CLIC5: variants seen among roughly 807,000 people sequenced by gnomAD.
The protein encoded by CLIC5 is CLIC family member 5, also known as chloride intracellular channel protein 5.
A neutral mutation model predicts 24.7 loss-of-function variants in CLIC5; 20 were observed. The ratio of observed to expected loss-of-function variants is 0.81; its 90% CI spans 0.57 to 1.18. CLIC5 has a LOEUF of 1.18. Among genes scored for constraint, CLIC5 ranks in the 50% most tolerant of loss-of-function variants. The pLI is 0.00. For missense variants in CLIC5, 341 were observed against 326.1 expected (o/e 1.05, Z -0.35); for synonymous variants, 159 against 135.6 (o/e 1.17, Z -1.20).
chr6:45,934,968 TA>T (rs1335044394), intron 4 of CLIC5, among the ~76,000 whole-genome samples: 2 of 152,206 alleles, frequency 1.3e-5, no homozygotes, highest in African/African-American at 4.8e-5. Context: ...GAACATGAAA[TA>T]AATCATGTGT....
intron 1 of CLIC5, among the ~76,000 whole-genome samples, chr6:45,955,789 C>G (rs1403837131): frequency 6.6e-6 from 1 of 151,732 alleles, no homozygotes; most frequent in Admixed American, 6.6e-5. Flanking sequence ...GACTTTGATC[C>G]CATCTCCCTA....
chr6:46,084,534 G>T (rs1562044225), upstream of CLIC5, among the ~76,000 whole-genome samples: 1 of 152,150 alleles, frequency 6.6e-6, no homozygotes, highest in African/African-American at 2.4e-5. Context: ...CACTTGTGAA[G>T]CTTAGTTTGG....
At chr6:46,025,623 T>C (rs1320812996) in intron 1 of CLIC5, among the ~76,000 whole-genome samples, 2 of 152,190 alleles carry the variant, frequency 1.3e-5, no homozygotes, top group Non-Finnish European at 2.9e-5. Flanking sequence ...AAATGAAGGC[T>C]GAAGATCAGC....
At chr6:45,953,013 C>G (rs1014272697) in intron 2 of CLIC5, among the ~76,000 whole-genome samples, 5 of 152,124 alleles carry the variant, frequency 3.3e-5, no homozygotes, top group Admixed American at 3.3e-4. Context: ...ACTTAAAACA[C>G]GATTCCAGTC....
At chr6:45,959,264 T>C (rs1050078058) in intron 1 of CLIC5, among the ~76,000 whole-genome samples, 1 of 152,232 alleles carries the variant, frequency 6.6e-6, no homozygotes, top group Non-Finnish European at 1.5e-5. Flanking sequence ...TTTGTTTATG[T>C]GGATGATAGT....
chr6:45,911,482 A>G, intron 5 of CLIC5: 1 of 497,988 alleles, frequency 2.0e-6, no homozygotes, highest in Non-Finnish European at 2.6e-6. Context: ...CTTGGCTAAG[A>G]GCAAATTCAT....
At chr6:45,979,386 T>G (rs1478495718) in intron 1 of CLIC5, among the ~76,000 whole-genome samples, 1 of 152,180 alleles carries the variant, frequency 6.6e-6, no homozygotes, top group Non-Finnish European at 1.5e-5. Context: ...TTCAATATCT[T>G]AAAGACTGAA....
chr6:45,950,616 T>C (rs1338578963), intron 2 of CLIC5, among the ~76,000 whole-genome samples: 1 of 152,146 alleles, frequency 6.6e-6, no homozygotes, highest in African/African-American at 2.4e-5. Context: ...AATTTAAAAA[T>C]GAGTGATTTT....
chr6:46,030,848 A>G (rs566399843), intron 1 of CLIC5, among the ~76,000 whole-genome samples: 1 of 152,316 alleles, frequency 6.6e-6, no homozygotes, highest in East Asian at 1.9e-4. Context: ...CATGGAAATT[A>G]TTTGTTTATG....
At chr6:46,008,265 G>T (rs539367193) in intron 1 of CLIC5, among the ~76,000 whole-genome samples, 1 of 151,970 alleles carries the variant, frequency 6.6e-6, no homozygotes, top group African/African-American at 2.4e-5. Context: ...AGACAACCCC[G>T]TGTACTCATA....
rs554122837 is a variant in CLIC5, at chr6:45,883,193, G to A, written c.624-2005C>T. Among the ~76,000 whole-genome samples the A allele has an allele frequency of 4.1e-4, 63 of 152,314 alleles. No homozygotes were observed. The South Asian group carries it at 0.013, about 31-fold the overall frequency. ...GAACGAGTTCCACAGTGGGGGTGGG[G>A]TGGAGCATTGAGAAACATTACCTGC... On this transcript the variant is annotated intron_variant, in intron 6 of 6. Coordinates refer to the CLIC5 transcript ENST00000644324.
chr6:46,064,003 G>A (rs1342063614), intron 1 of CLIC5, among the ~76,000 whole-genome samples: 2 of 152,210 alleles, frequency 1.3e-5, no homozygotes, highest in Admixed American at 1.3e-4. Flanking sequence ...TATTACTAGT[G>A]TATGCAAATA....
At chr6:46,045,255 C>T (rs575309641) in intron 1 of CLIC5, among the ~76,000 whole-genome samples, 2 of 152,074 alleles carry the variant, frequency 1.3e-5, no homozygotes, top group South Asian at 4.2e-4. Flanking sequence ...TCCAACATAC[C>T]GCATCTTGCA....
rs1352009138 is a variant in CLIC5, at chr6:45,901,720, C to T, written c.*1368G>A. The T allele has an allele frequency of 6.6e-6, 1 of 152,380 alleles. No individual in the cohort carries two copies. Among genetic ancestry groups the T allele is most frequent in the Non-Finnish European group, 1.5e-5 (1 of 68,014 alleles). 9.4% of individuals were successfully genotyped at this position (152,380 alleles called of 1,614,324 possible). A position where few individuals can be genotyped will look rare whatever the true frequency, so the allele number is the denominator to read the frequency against. On this transcript the variant is annotated 3_prime_UTR_variant, in exon 6 of 6. Transcript: ENST00000339561. ...TGGGTAAGCTTTTTAGGAGATGAAA[C>T]TTAAGGAGAATGACAAAAGAGTGAA...
At chr6:45,963,459 C>A (rs1209139326) in intron 1 of CLIC5, among the ~76,000 whole-genome samples, 1 of 152,184 alleles carries the variant, frequency 6.6e-6, no homozygotes, top group Non-Finnish European at 1.5e-5. Context: ...ACATTATGCA[C>A]TGGCCTGCCT....
chr6:45,905,447 A>G (rs1450771924), intron 5 of CLIC5, among the ~76,000 whole-genome samples: 1 of 112,044 alleles, frequency 8.9e-6, no homozygotes, highest in African/African-American at 3.4e-5. Context: ...TGTGCTTTTA[A>G]TTTGCGTTTC....
chr6:46,078,366 G>GA (rs10708990), intron 1 of CLIC5, among the ~76,000 whole-genome samples: 56 of 147,170 alleles, frequency 3.8e-4, no homozygotes, highest in African/African-American at 9.7e-4. Context: ...TCTCAAAAAA[G>GA]AAAAAAAAAA....
In CLIC5 at chr6:45,900,455, C is replaced by T. The variant is rs1481048541; in HGVS notation, c.*2633G>A. 1 of 145,482 alleles carries T rather than the reference C, an allele frequency of 6.9e-6. No individual in the cohort carries two copies. The highest frequency in any genetic ancestry group is 2.6e-5 in the African/African-American group (1 of 38,208). 9.0% of individuals were successfully genotyped at this position (145,482 alleles called of 1,614,324 possible). ...ACCTAAGGACCTCACCACACTGTTG[C>T]TGAGACATGATGTGCTGCACATATG... On this transcript the variant is annotated 3_prime_UTR_variant, in exon 6 of 6. Coordinates refer to ENST00000339561, the MANE Select transcript of CLIC5 (RefSeq NM_016929.5).
chr6:45,958,365 A>G (rs1222854420), intron 1 of CLIC5, among the ~76,000 whole-genome samples: 1 of 148,052 alleles, frequency 6.8e-6, no homozygotes, highest in Non-Finnish European at 1.5e-5. Flanking sequence ...TATCAGCTAT[A>G]CTATGTATAG....
Sources: gnomAD v4.1 joint callset for allele counts (sites outside exome capture counted in the v4.1 genomes callset) on GRCh38, gnomAD v4.1.1 for gene constraint, MANE v1.5 for transcripts, NCBI Gene and HGNC (gene_info 2026-07-23, HGNC 2026-07-21) for gene names.